SNAP47: variants seen among roughly 807,000 people sequenced by gnomAD.
The protein encoded by SNAP47 is synaptosome associated protein 47.
A neutral mutation model predicts 31.4 loss-of-function variants in SNAP47; 20 were observed. The observed-to-expected ratio is 0.64, with a 90% confidence interval of 0.45 to 0.93. The LOEUF (loss-of-function observed/expected upper bound fraction) is 0.93. Ranked by LOEUF, SNAP47 falls within the 40% of genes least tolerant of loss-of-function variation. The probability of loss-of-function intolerance (pLI) is 0.00; values close to 1 mark genes in which losing one functional copy is unlikely to be tolerated. For missense variants in SNAP47, 492 were observed against 528.5 expected (o/e 0.93, Z 0.68); for synonymous variants, 194 against 213.4 (o/e 0.91, Z 0.79).
chr1:227,752,933 G>C (rs916756301), intron 2 of SNAP47, among the ~76,000 whole-genome samples: 2 of 152,208 alleles, frequency 1.3e-5, no homozygotes, highest in Non-Finnish European at 2.9e-5. Flanking sequence ...CCCATTCCCA[G>C]AGCTGTTGGT....
rs1269126360 is a variant in SNAP47, at chr1:227,763,317, TG to T, written c.989-3637del. Reference sequence around the variant, plus strand: ...TTTCTTTGTCACTCACTGCCTGTCTTGGGGGTAAGGCCTGCCTGGGCTTCCA... The same window carrying T: ...TTTCTTTGTCACTCACTGCCTGTCTTGGGGTAAGGCCTGCCTGGGCTTCCA... On this transcript the variant is annotated intron_variant, in intron 3 of 4. Transcript: ENST00000617596. This position sits in a 1 kb window ranked among gnomAD's most constrained non-coding sequence, Gnocchi z 4.2. Among the ~76,000 whole-genome samples, 1 of 152,140 alleles carries T rather than the reference TG, an allele frequency of 6.6e-6. No individual in the cohort carries two copies. Among genetic ancestry groups the T allele is most frequent in the East Asian group, 1.9e-4 (1 of 5,194 alleles).
intron 4 of SNAP47, chr1:227,776,194 C>G (rs1664148472): frequency 9.0e-7 from 1 of 1,107,804 alleles, no homozygotes; most frequent in Admixed American, 4.1e-5. Context: ...TCTGGCCAGG[C>G]ATCCACTGAT....
upstream of SNAP47, chr1:227,734,138 G>C (rs1660886117): frequency 7.6e-7 from 1 of 1,317,940 alleles, no homozygotes; most frequent in South Asian, 1.4e-5. Flanking sequence ...GGAGCTTCCA[G>C]ATGGCTGCAG....
At chr1:227,738,060 G>C (rs1363535097) in intron 1 of SNAP47, among the ~76,000 whole-genome samples, 1 of 151,492 alleles carries the variant, frequency 6.6e-6, no homozygotes, top group Non-Finnish European at 1.5e-5. Context: ...TTGCTGTTTT[G>C]AGACCGCGTC....
intron 1 of SNAP47, among the ~76,000 whole-genome samples, chr1:227,737,096 G>A (rs1661261680): frequency 6.6e-6 from 1 of 152,224 alleles, no homozygotes; most frequent in South Asian, 2.1e-4. Flanking sequence ...GGCACAGAGG[G>A]ATCAGGGTAC....
chr1:227,740,811 G>T (rs147073703), intron 1 of SNAP47, among the ~76,000 whole-genome samples: 48 of 152,286 alleles, frequency 3.2e-4, no homozygotes, highest in African/African-American at 1.1e-3. Context: ...ACTGAGAGAG[G>T]AACTGACTCT....
At chr1:227,737,865 G>T (rs1349801286) in intron 1 of SNAP47, among the ~76,000 whole-genome samples, 2 of 152,150 alleles carry the variant, frequency 1.3e-5, no homozygotes, top group Non-Finnish European at 2.9e-5. Flanking sequence ...CAGCCCTATT[G>T]TGGCTTGTGT....
chr1:227,760,373 A>G (rs1004381389), intron 3 of SNAP47, among the ~76,000 whole-genome samples: 5 of 152,088 alleles, frequency 3.3e-5, no homozygotes, highest in African/African-American at 4.8e-5. Context: ...CAAACATGCT[A>G]TTAGGGATCT....
chr1:227,728,798 G>C (rs1443429079), intron 1 of SNAP47: 1 of 152,150 alleles, frequency 6.6e-6, no homozygotes, highest in East Asian at 1.9e-4. Context: ...TAATACCCAA[G>C]ACCCCGATTC....
At chr1:227,771,769 C>A (rs1195298111) in intron 4 of SNAP47, among the ~76,000 whole-genome samples, 1 of 151,540 alleles carries the variant, frequency 6.6e-6, no homozygotes, top group East Asian at 1.9e-4. Context: ...GGACCCTGGG[C>A]TGAGCAGGGC....
chr1:227,733,615 C>T (rs1660827449), upstream of SNAP47: 2 of 1,604,690 alleles, frequency 1.2e-6, no homozygotes, highest in Non-Finnish European at 1.7e-6. Flanking sequence ...AGAGGAGCCA[C>T]TTCTTCCTCC....
upstream of SNAP47, chr1:227,735,420 C>CT (rs1403713883): frequency 1.9e-6 from 3 of 1,544,014 alleles, 1 homozygote; most frequent in Non-Finnish European, 2.6e-6. Context: ...ATGCGCGCGG[C>CT]TCGCCGCGGT....
At chr1:227,774,549 G>A (rs528097439) in intron 4 of SNAP47, among the ~76,000 whole-genome samples, 4 of 152,268 alleles carry the variant, frequency 2.6e-5, no homozygotes, top group East Asian at 3.9e-4. Context: ...GCAGTGTCCC[G>A]CCTCGAGGTG....
At chr1:227,748,329 TG>T in intron 2 of SNAP47, 96 bp downstream of exon 2, 1 of 1,320,198 alleles carries the variant, frequency 7.6e-7, no homozygotes, top group Non-Finnish European at 1.0e-6. Context: ...GCACCATATT[TG>T]CACACATCCA....
Position 227,748,082 on chromosome 1 carries a change from A to G in SNAP47, c.346A>G (p.Arg116Gly). ...PGAVADASVPRTRGEELTGLM... is the reference protein window; with the variant it reads ...PGAVADASVPGTRGEELTGLM... ...AGCCGTGGCAGACGCATCTGTCCCA[A>G]GGACCCGGGGCGAGGAGCTGACGGG... Residue 116 changes from arginine (R) to glycine (G), a missense_variant, in exon 2 of 5, where the codon AGG (arginine) becomes GGG (glycine). Arg to Gly is a moderately radical substitution (Grantham distance 125, BLOSUM62 -2). Coordinates refer to ENST00000617596, the MANE Select transcript of SNAP47 (RefSeq NM_053052.4). 1 of 1,614,144 alleles carries G rather than the reference A, an allele frequency of 6.2e-7. No individual in the cohort carries two copies. The highest frequency in any genetic ancestry group is 8.5e-7 in the Non-Finnish European group (1 of 1,180,020).
At chr1:227,769,725 G>A (rs114094984) in intron 4 of SNAP47, among the ~76,000 whole-genome samples, 91 of 152,238 alleles carry the variant, frequency 6.0e-4, no homozygotes, top group African/African-American at 2.1e-3. Context: ...GGAGGGCCGG[G>A]GGCTGTAGGA....
intron 3 of SNAP47, among the ~76,000 whole-genome samples, chr1:227,760,523 G>A (rs1367584369): frequency 6.6e-6 from 1 of 152,164 alleles, no homozygotes; most frequent in African/African-American, 2.4e-5. Flanking sequence ...CCGGGCTGAG[G>A]GGCAGACACC....
chr1:227,739,822 G>A lies in SNAP47; in HGVS notation c.-46+4323G>A, dbSNP rs116685144. Among the ~76,000 whole-genome samples, 675 of 152,318 alleles carry A rather than the reference G, an allele frequency of 4.4e-3. 6 individuals are homozygous for A. Among genetic ancestry groups the A allele is most frequent in the African/African-American group, 0.015 (630 of 41,568 alleles). ...TGGGCCCCTGGCCATGACCTCCCTC[G>A]AGGATTCAGCTGTGTGTTCTCAGGG... On this transcript the variant is annotated intron_variant, in intron 1 of 4. Transcript: ENST00000617596.
At chr1:227,771,222 A>G (rs995204821) in intron 4 of SNAP47, among the ~76,000 whole-genome samples, 4 of 152,116 alleles carry the variant, frequency 2.6e-5, no homozygotes, top group African/African-American at 9.6e-5. Context: ...GGAGGTCAAT[A>G]TTTTGGGGGG....
Sources: gnomAD v4.1 joint callset for allele counts (sites outside exome capture counted in the v4.1 genomes callset) on GRCh38, gnomAD v4.1.1 for gene constraint, Gnocchi (gnomAD v3.1) non-coding constraint, MANE v1.5 for transcripts, NCBI Gene and HGNC (gene_info 2026-07-23, HGNC 2026-07-21) for gene names.